Variants in EXOC4 observed in about 807,000 individuals in gnomAD.
EXOC4 encodes exocyst complex component 4.
A neutral mutation model predicts 107.2 loss-of-function variants in EXOC4; 71 were observed. The ratio of observed to expected loss-of-function variants is 0.66; its 90% CI spans 0.55 to 0.81. EXOC4 has a LOEUF of 0.81. Among genes scored for constraint, EXOC4 ranks in the 30% least tolerant of loss-of-function variants. The pLI is 0.00. For missense variants in EXOC4, 1,108 were observed against 1,189.6 expected, an observed-to-expected ratio of 0.93 and a Z score of 1.01; for synonymous variants, 456 against 441.2, an observed-to-expected ratio of 1.03 and a Z score of -0.42.
intron 9 of EXOC4, among the ~76,000 whole-genome samples, chr7:133,532,560 A>G (rs1800200357): frequency 2.0e-5 from 3 of 152,122 alleles, no homozygotes; most frequent in South Asian, 2.1e-4. Flanking sequence ...CTAAAAGAAA[A>G]CATAGTTCTA....
chr7:133,963,123 C>T (rs1038501683), intron 14 of EXOC4, among the ~76,000 whole-genome samples: 8 of 152,358 alleles, frequency 5.3e-5, no homozygotes, highest in African/African-American at 9.6e-5. Flanking sequence ...TCCCTGTCCC[C>T]GCACTTCACC....
chr7:133,752,015 T>A lies in EXOC4; in HGVS notation c.1515-65310T>A, dbSNP rs4728298. Among the ~76,000 whole-genome samples, 71 of 105,538 alleles carry A rather than the reference T, an allele frequency of 6.7e-4. 1 individual carries two copies. The highest frequency in any genetic ancestry group is 2.0e-3 in the Admixed American group (17 of 8,658). The allele number at this position is 105,538 out of a possible 152,430, so 69.2% of individuals were successfully genotyped here. On this transcript the variant is annotated intron_variant, in intron 10 of 17. Transcript: ENST00000253861. ...TAAATAAATAAATAAATAAATAAAT[T>A]ATCTGGGCACTGTGGTATGCCTATA...
intron 12 of EXOC4, among the ~76,000 whole-genome samples, chr7:133,905,589 C>T (rs1052437353): frequency 6.6e-6 from 1 of 152,104 alleles, no homozygotes; most frequent in Admixed American, 6.5e-5. Context: ...TCGCAGTTTT[C>T]GGAAGTTTCT....
rs564998075 is a variant in EXOC4 at position 133,806,207 on chromosome 7, A to G, written c.1515-11118A>G. 1.0e-3 allele frequency among the ~76,000 whole-genome samples: 153 copies of G among 152,364 alleles called. 1 individual carries two copies. The highest frequency in any genetic ancestry group is 3.5e-3 in the African/African-American group (147 of 41,594). ...GATTTAATATAAAGAGAATGTCTAT[A>G]CATCTAGAAGCTTCTTGCATGAGTA... On this transcript the variant is annotated intron_variant, in intron 10 of 17. Coordinates refer to ENST00000253861, the MANE Select transcript of EXOC4 (RefSeq NM_021807.4).
rs115548987 is a variant in EXOC4, at chr7:133,854,014, G to T, written c.1734+36470G>T. 2.0e-3 allele frequency among the ~76,000 whole-genome samples: 307 copies of T among 152,284 alleles called. 3 individuals are homozygous for T. Among genetic ancestry groups the T allele is most frequent in the African/African-American group, 7.1e-3 (296 of 41,568 alleles). ...TGTTTCCATTTGCCCTCTGGAGGCA[G>T]TGTTTAACCTCCAAGTGGATGTGGT... On this transcript the variant is annotated intron_variant, in intron 11 of 17. Coordinates refer to ENST00000253861, the MANE Select transcript of EXOC4 (RefSeq NM_021807.4).
the EXOC4 span, among the ~76,000 whole-genome samples, chr7:134,082,777 G>A: frequency 6.6e-6 from 1 of 152,208 alleles, no homozygotes; most frequent in East Asian, 1.9e-4. Context: ...TTTATGACTT[G>A]TATCTTGTGC....
At position 134,046,479 on chromosome 7, in the gene EXOC4, AACAAAAAAAG is replaced by A. The variant is rs59185151; in HGVS notation, c.2688-17809_2688-17800del. ...AGTAAGACTATGTCTTAAAAAAAAAAACAAAAAAAGACGGCTCAGATGGTCCCCTCCTAAG... is the reference window on the plus strand; with the variant it reads ...AGTAAGACTATGTCTTAAAAAAAAAAACGGCTCAGATGGTCCCCTCCTAAG... On this transcript the variant is annotated intron_variant, in intron 17 of 17. Transcript: ENST00000253861. Among the ~76,000 whole-genome samples, 181 of 151,966 alleles carry A rather than the reference AACAAAAAAAG, an allele frequency of 1.2e-3. 6 individuals are homozygous for A. In the East Asian group the frequency reaches 0.03, roughly 25 times the overall value.
At chr7:133,569,533 AAC>A (rs1477705694) in intron 9 of EXOC4, among the ~76,000 whole-genome samples, 30 of 152,128 alleles carry the variant, frequency 2.0e-4, no homozygotes, top group African/African-American at 5.8e-4. Flanking sequence ...GTAGATATGT[AAC>A]TTTATTATTA....
At chr7:133,660,737 T>G (rs1023343653) in intron 10 of EXOC4, among the ~76,000 whole-genome samples, 2 of 152,190 alleles carry the variant, frequency 1.3e-5, no homozygotes, top group African/African-American at 4.8e-5. Context: ...GGTAGTTTTA[T>G]TCCTTGGGGA....
chr7:133,255,630 C>T (rs544519356), intron 1 of EXOC4, among the ~76,000 whole-genome samples: 2 of 152,138 alleles, frequency 1.3e-5, no homozygotes, highest in East Asian at 1.9e-4. Context: ...ACCTTAAGAC[C>T]GAATGGTGTT....
chr7:133,519,134 G>A (rs574455996), intron 9 of EXOC4, among the ~76,000 whole-genome samples: 2 of 152,146 alleles, frequency 1.3e-5, no homozygotes, highest in African/African-American at 4.8e-5. Context: ...ATTAATTTAG[G>A]TTGGGTGTGA....
At position 133,412,992 on chromosome 7, in the gene EXOC4, T is replaced by C. The variant is rs141380179; in HGVS notation, c.1182+37990T>C. Among the ~76,000 whole-genome samples, 965 of 152,204 alleles carry C rather than the reference T, an allele frequency of 6.3e-3. 5 individuals carry two copies. The highest frequency in any genetic ancestry group is 0.017 in the Middle Eastern group (5 of 294). On this transcript the variant is annotated intron_variant, in intron 7 of 17. Transcript: ENST00000253861. ...ATAATAATGTTATTCTGGATTGAAG[T>C]GTGGCTAGTATACCAGGGTTAATGC...
chr7:133,642,683 T>C (rs1048315749), intron 10 of EXOC4, among the ~76,000 whole-genome samples: 1 of 152,192 alleles, frequency 6.6e-6, no homozygotes, highest in Admixed American at 6.5e-5. Context: ...GGAGTGATCA[T>C]GTCACTCCCC....
chr7:133,645,299 A>C (rs1208883679), intron 10 of EXOC4, among the ~76,000 whole-genome samples: 1 of 151,500 alleles, frequency 6.6e-6, no homozygotes, highest in Non-Finnish European at 1.5e-5. Flanking sequence ...TCACTGTGTT[A>C]GCCAGGATGG....
intron 9 of EXOC4, among the ~76,000 whole-genome samples, chr7:133,488,580 A>G (rs1799313161): frequency 6.6e-6 from 1 of 152,214 alleles, no homozygotes; most frequent in Admixed American, 6.5e-5. Context: ...ACAATTGATC[A>G]TGCATATAGG....
chr7:133,676,425 C>T (rs562500275), intron 10 of EXOC4, among the ~76,000 whole-genome samples: 3 of 152,236 alleles, frequency 2.0e-5, no homozygotes, highest in African/African-American at 2.4e-5. Context: ...TTATGACACC[C>T]GTTAAATATT....
chr7:133,418,221 C>G (rs1168216473), intron 7 of EXOC4, among the ~76,000 whole-genome samples: 1 of 152,146 alleles, frequency 6.6e-6, no homozygotes, highest in Admixed American at 6.5e-5. Context: ...AGACTCGACA[C>G]TTTTTTTGTT....
chr7:133,971,602 A>G (rs1477248476), intron 14 of EXOC4, among the ~76,000 whole-genome samples: 2 of 152,086 alleles, frequency 1.3e-5, no homozygotes, highest in Admixed American at 1.3e-4. Context: ...CTAATGGAAA[A>G]CAAACCTTTT....
chr7:133,377,608 A>G (rs968391143), intron 7 of EXOC4, among the ~76,000 whole-genome samples: 6 of 152,298 alleles, frequency 3.9e-5, no homozygotes, highest in South Asian at 2.1e-4. Flanking sequence ...GGGTAGAAAA[A>G]TATCAGGAGA....
Sources: allele counts gnomAD v4.1 joint callset (sites outside exome capture counted in the v4.1 genomes callset), GRCh38; gene constraint gnomAD v4.1.1; transcripts MANE v1.5; gene names NCBI Gene and HGNC (gene_info 2026-07-23, HGNC 2026-07-21).